The following EGF variants were observed in gnomAD, a reference collection of about 807,000 sequenced individuals.
EGF encodes the protein pro-epidermal growth factor.
EGF carries 95 observed loss-of-function variants against 143.8 expected under a neutral mutation model. That is an observed-to-expected ratio of 0.66 (90% confidence interval 0.56 to 0.78). EGF has a LOEUF of 0.78. Among genes scored for constraint, EGF ranks in the 30% least tolerant of loss-of-function variants. The probability of loss-of-function intolerance (pLI) is 0.00; values close to 1 mark genes in which losing one functional copy is unlikely to be tolerated. For missense variants in EGF, 1,320 were observed against 1,470.9 expected (o/e 0.90, Z 1.68); for synonymous variants, 510 against 510.5 (o/e 1.00, Z 0.01).
chr4:109,935,041 A>G (rs2347138), intron 1 of EGF, among the ~76,000 whole-genome samples: 18,889 of 151,976 alleles, frequency 0.12, 1,684 homozygotes, highest in African/African-American at 0.24. Context: ...TCTTGGGTAT[A>G]GGGGCTCTTT....
rs1742241311 is a variant in EGF, at chr4:109,943,325, A to G, written c.399A>G (p.Ser133=). The change falls in exon 3 of 24, where the codon TCA becomes TCG. Residue 133 remains serine, a synonymous_variant. Transcript: ENST00000265171. The part of the protein sequence containing the change: ...INWINEEVIW[S]NQQEGIITVT... The stretch of plus-strand genomic sequence containing the variant: ...GGATAAATGAAGAAGTTATTTGGTC[A>G]AATCAACAGGAAGGAATCATTACAG... 6.2e-7 allele frequency: 1 copy of G among 1,611,466 alleles called. No homozygotes were observed. The highest frequency in any genetic ancestry group is 1.3e-5 in the African/African-American group (1 of 74,974).
intron 19 of EGF, among the ~76,000 whole-genome samples, chr4:109,994,474 C>T (rs929350911): frequency 1.3e-5 from 2 of 152,152 alleles, no homozygotes; most frequent in Admixed American, 6.5e-5. Context: ...CACATGGCGA[C>T]TTAGGACTGG....
chr4:109,963,930 G>A (rs1336687065), intron 9 of EGF, among the ~76,000 whole-genome samples: 1 of 152,160 alleles, frequency 6.6e-6, no homozygotes, highest in Non-Finnish European at 1.5e-5. Flanking sequence ...TTAATATAGT[G>A]TAATCTAAAT....
intron 5 of EGF, among the ~76,000 whole-genome samples, chr4:109,946,492 A>G (rs1346391041): frequency 1.3e-5 from 2 of 152,122 alleles, no homozygotes; most frequent in Non-Finnish European, 2.9e-5. Flanking sequence ...CTTAAATGTC[A>G]TGTGCTCAGA....
chr4:109,974,916 C>G (rs1235051001), intron 12 of EGF, 109 bp downstream of exon 12: 4 of 780,834 alleles, frequency 5.1e-6, no homozygotes, highest in Non-Finnish European at 8.7e-6. Context: ...GCAATTTGTT[C>G]AAATCTTCAG....
At chr4:109,999,554 T>C in intron 20 of EGF, 125 bp from the exon 21 acceptor site, 1 of 1,236,338 alleles carries the variant, frequency 8.1e-7, no homozygotes, top group Non-Finnish European at 1.2e-6. Context: ...ATGGATTTTC[T>C]ATATGTTTCT....
rs554780471 is a variant in EGF, at chr4:109,986,831, T to C, written c.2492-913T>C. ...ACTTGGATTTCAATGGAGTATGAAATGAAATGATCCATTTACTGCACTTAA... is the reference window on the plus strand; with the variant it reads ...ACTTGGATTTCAATGGAGTATGAAACGAAATGATCCATTTACTGCACTTAA... On this transcript the variant is annotated intron_variant, in intron 16 of 23. Transcript: ENST00000265171. Among the ~76,000 whole-genome samples, 3 of 152,242 alleles carry C rather than the reference T, an allele frequency of 2.0e-5. No individual in the cohort carries two copies. In the South Asian group the frequency reaches 6.2e-4, roughly 32 times the overall value.
chr4:109,956,724 A>G (rs1043120096), intron 5 of EGF, among the ~76,000 whole-genome samples: 1 of 152,246 alleles, frequency 6.6e-6, no homozygotes, highest in Non-Finnish European at 1.5e-5. Flanking sequence ...TCAATTATCC[A>G]TAAGACCATT....
intron 19 of EGF, 74 bp from the exon 20 acceptor site, chr4:109,994,659 C>T (rs923055121): frequency 1.3e-6 from 2 of 1,509,260 alleles, no homozygotes; most frequent in Non-Finnish European, 1.8e-6. Flanking sequence ...TTCACAGAAA[C>T]TAGTTCCTCA....
rs76275519 is a variant in EGF, at chr4:109,988,649, G to A, written c.2674G>A (p.Glu892Lys). The change falls in exon 18 of 24, where the codon GAA becomes AAA. Residue 892 changes from glutamate (E) to lysine (K), a missense_variant. Physicochemically the swap from Glu to Lys is moderately conservative, Grantham distance 56. Around this residue, in one of 5 missense-constraint regions of EGF, gnomAD observed 1,186 missense variants for 1,313.7 expected, o/e 0.90. Coordinates refer to ENST00000265171, the MANE Select transcript of EGF (RefSeq NM_001963.6). ...TGCCTCCTCCAAGTGCATCAACACC[G>A]AAGGTGGTTATGTCTGCCGGTGCTC... is the stretch of plus-strand genomic sequence containing the variant. ...PPASSKCINT[E>K]GGYVCRCSEG... 222 of 1,614,062 alleles carry A rather than the reference G, an allele frequency of 1.4e-4. 1 individual carries two copies. In the African/African-American group the frequency reaches 2.3e-3, roughly 17 times the overall value.
chr4:109,933,749 A>G (rs1167156879), intron 1 of EGF, among the ~76,000 whole-genome samples: 1 of 152,184 alleles, frequency 6.6e-6, no homozygotes, highest in African/African-American at 2.4e-5. Context: ...AAAGGACATG[A>G]ACTCATCCTT....
chr4:109,985,226 C>G (rs116296240), intron 16 of EGF, among the ~76,000 whole-genome samples: 1,965 of 152,250 alleles, frequency 0.013, 38 homozygotes, highest in African/African-American at 0.043. Context: ...TGAAAAACCC[C>G]TCATCTTTCC....
intron 11 of EGF, among the ~76,000 whole-genome samples, chr4:109,972,293 T>C (rs567105069): frequency 6.6e-6 from 1 of 152,138 alleles, no homozygotes; most frequent in Non-Finnish European, 1.5e-5. Flanking sequence ...CAAATAGAAG[T>C]ATATTAGGTG....
Position 109,945,297 on chromosome 4 carries a change from G to A in EGF, c.940+22G>A, listed in dbSNP as rs11568912. 7,502 of 1,607,074 alleles carry A rather than the reference G, an allele frequency of 4.7e-3. 256 individuals carry two copies. In the African/African-American group the frequency reaches 0.079, roughly 17 times the overall value. ...CCTGGTGAGTCATCGTTGACCTTGC[G>A]CAGGGCCTGACACATAGTTCCCACC... On this transcript the variant is annotated intron_variant, in intron 5 of 23. Coordinates refer to ENST00000265171, the MANE Select transcript of EGF (RefSeq NM_001963.6).
At chr4:109,962,842 A>G (rs1164577980) in intron 8 of EGF, among the ~76,000 whole-genome samples, 4 of 152,104 alleles carry the variant, frequency 2.6e-5, no homozygotes, top group Non-Finnish European at 5.9e-5. Context: ...TGAGGCAGAT[A>G]GATCTCCTGA....
In EGF at chr4:109,980,108, A is replaced by G. The variant is rs199935855; in HGVS notation, c.2190A>G (p.Ser730=). 23 of 1,612,734 alleles carry G rather than the reference A, an allele frequency of 1.4e-5. No individual in the cohort carries two copies. Among genetic ancestry groups the G allele is most frequent in the Non-Finnish European group, 2.0e-5 (23 of 1,179,408 alleles). The part of the protein sequence containing the change: ...RLQGSMLKPS[S]LVVVHPLAKP... ...AAGGCAGCATGCTGAAGCCCTCATC[A>G]CTGGTTGTGGTTCATCCATTGGCAA... Residue 730 remains serine (S), a synonymous_variant, in exon 14 of 24, where the codon TCA becomes TCG. Transcript: ENST00000265171.
intron 7 of EGF, among the ~76,000 whole-genome samples, chr4:109,961,572 AT>A (rs1745703987): frequency 6.6e-6 from 1 of 152,072 alleles, no homozygotes; most frequent in Non-Finnish European, 1.5e-5. Context: ...TTCATTGTAT[AT>A]CTCTAAAGGA....
chr4:109,994,454 A>C (rs1353097711), intron 19 of EGF, among the ~76,000 whole-genome samples: 1 of 151,952 alleles, frequency 6.6e-6, no homozygotes. Flanking sequence ...GAGATCAGTG[A>C]CTCTGAATTC....
At chr4:109,969,822 C>A (rs566954186) in intron 11 of EGF, among the ~76,000 whole-genome samples, 1 of 152,010 alleles carries the variant, frequency 6.6e-6, no homozygotes, top group Non-Finnish European at 1.5e-5. Flanking sequence ...ATTTCCCCAG[C>A]AAAATAATTA....
Sources: allele counts gnomAD v4.1 joint callset (sites outside exome capture counted in the v4.1 genomes callset), GRCh38; gene constraint gnomAD v4.1.1; regional missense constraint gnomAD v4.1.1; transcripts MANE v1.5; gene names NCBI Gene and HGNC (gene_info 2026-07-23, HGNC 2026-07-21).